Variants in RPL5 observed in about 807,000 individuals in gnomAD.
RPL5 encodes the protein large ribosomal subunit protein uL18.
RPL5 carries 1 observed loss-of-function variant against 38.4 expected under a neutral mutation model. The observed-to-expected ratio is 0.03, with a 90% CI of 0.01 to 0.12. RPL5 has a LOEUF of 0.12. RPL5 is among the 10% of genes least tolerant of loss of function. The pLI, the probability that RPL5 is intolerant of heterozygous loss-of-function variation, is 1.00. For missense variants in RPL5, 243 were observed against 374.1 expected, an observed-to-expected ratio of 0.65 and a Z score of 2.89; for synonymous variants, 109 against 121.2, an observed-to-expected ratio of 0.90 and a Z score of 0.66.
Position 92,836,175 on chromosome 1 carries a change from T to A in RPL5, c.325-15T>A. ...GAATAATTGAAACCAGCATTTACAT[T>A]GGTTTCTTGAATAGCTTCTCAATAG... On this transcript the variant is annotated splice_polypyrimidine_tract_variant and intron_variant, in intron 4 of 7. Coordinates refer to ENST00000370321, the MANE Select transcript of RPL5 (RefSeq NM_000969.5). 2 of 1,608,978 alleles carry A rather than the reference T, an allele frequency of 1.2e-6. No individual in the cohort carries two copies. Among genetic ancestry groups the A allele is most frequent in the Non-Finnish European group, 1.7e-6 (2 of 1,177,014 alleles).
chr1:92,836,454 T>C, intron 5 of RPL5, 62 bp downstream of exon 5: 1 of 1,457,026 alleles, frequency 6.9e-7, no homozygotes, highest in Non-Finnish European at 9.6e-7. Flanking sequence ...TTTAACTAGT[T>C]GGACTGTGGA....
chr1:92,833,784 T>C lies in RPL5; in HGVS notation c.189+124T>C, dbSNP rs41286817. The C allele has an allele frequency of 6.9e-3, 5,370 of 782,330 alleles. 24 individuals carry two copies. The highest frequency in any genetic ancestry group is 9.2e-3 in the Non-Finnish European group (4,358 of 471,712). The allele number at this position is 782,330 out of a possible 1,614,324, so 48.5% of individuals were successfully genotyped here. On this transcript the variant is annotated intron_variant, in intron 3 of 7. Coordinates refer to ENST00000370321, the MANE Select transcript of RPL5 (RefSeq NM_000969.5). ...CCTCCAAAAGCATCCAGTGAATAAT[T>C]TTTCCTTTTAGTAGGTCTAGAATTG...
At chr1:92,840,510 A>G (rs1376302489) in intron 6 of RPL5, 41 bp from the exon 7 acceptor site, 1 of 1,458,992 alleles carries the variant, frequency 6.9e-7, no homozygotes, top group Non-Finnish European at 9.6e-7. Context: ...AGTAGGGCAC[A>G]TGAAATGAAA....
At chr1:92,838,047 G>A (rs1240195324) in intron 6 of RPL5, among the ~76,000 whole-genome samples, 2 of 152,216 alleles carry the variant, frequency 1.3e-5, no homozygotes, top group Non-Finnish European at 2.9e-5. Context: ...GCGTGATGTT[G>A]TAGAAATGAG....
At position 92,835,022 on chromosome 1, in the gene RPL5, G is replaced by C. The variant is rs932410672; in HGVS notation, c.324+109G>C. 2.7e-5 allele frequency: 41 copies of C among 1,501,836 alleles called. No individual in the cohort carries two copies. In the African/African-American group the frequency reaches 5.5e-4, roughly 20 times the overall value. 93.0% of individuals were successfully genotyped at this position (1,501,836 alleles called of 1,614,324 possible). Reference sequence around the variant, plus strand: ...ATAGCTTAAGTTGTGCTTCAGGAGAGTGCTTGCTTCCAGTTTTCTGCTTTG... The same window carrying C: ...ATAGCTTAAGTTGTGCTTCAGGAGACTGCTTGCTTCCAGTTTTCTGCTTTG... On this transcript the variant is annotated intron_variant, in intron 4 of 7. Coordinates refer to ENST00000370321, the MANE Select transcript of RPL5 (RefSeq NM_000969.5).
Position 92,832,068 on chromosome 1 carries a change from C to T in RPL5, c.-47C>T, listed in dbSNP as rs370494227. 44 of 1,613,342 alleles carry T rather than the reference C, an allele frequency of 2.7e-5. No homozygotes were observed. The highest frequency in any genetic ancestry group is 6.7e-5 in the African/African-American group (5 of 75,060). On this transcript the variant is annotated 5_prime_UTR_variant, in exon 1 of 8. Transcript: ENST00000370321. The stretch of plus-strand genomic sequence containing the variant: ...TTTCCCACCCCCTAGCGCCGCTGGG[C>T]CTGCAGGTCTCTGTCGAGCAGCGGA...
At chr1:92,832,879 CAT>C (rs1291927406) in intron 1 of RPL5, 29 of 630,904 alleles carry the variant, frequency 4.6e-5, no homozygotes, top group Non-Finnish European at 6.6e-5. Flanking sequence ...TTTTGAAAAA[CAT>C]AACATGGGAA....
chr1:92,838,159 T>G (rs1426424410), intron 6 of RPL5, among the ~76,000 whole-genome samples: 2 of 152,216 alleles, frequency 1.3e-5, no homozygotes, highest in Non-Finnish European at 2.9e-5. Flanking sequence ...AGCTTCTATT[T>G]TGGCATAGCT....
chr1:92,834,956 T>C, intron 4 of RPL5, 43 bp downstream of exon 4: 1 of 1,599,608 alleles, frequency 6.3e-7, no homozygotes, highest in South Asian at 1.1e-5. Flanking sequence ...TGTGGCTGAT[T>C]GCTTGGAGAG....
rs577489431 is a variant in RPL5 at position 92,836,735 on chromosome 1, T to C, written c.527+343T>C. On this transcript the variant is annotated intron_variant, in intron 5 of 7. Transcript: ENST00000370321. Reference sequence around the variant, plus strand: ...TTTCTTTTTTCAATCAGAATAAAAATGATTTACTGAATTATGCAAAAAGGT... The same window carrying C: ...TTTCTTTTTTCAATCAGAATAAAAACGATTTACTGAATTATGCAAAAAGGT... The C allele has an allele frequency of 3.0e-4, 78 of 256,800 alleles. 1 individual carries two copies. Among genetic ancestry groups the C allele is most frequent in the African/African-American group, 1.6e-3 (70 of 44,784 alleles). The allele number at this position is 256,800 out of a possible 1,614,324, so 15.9% of individuals were successfully genotyped here. A position where few individuals can be genotyped will look rare whatever the true frequency, so the allele number is the denominator to read the frequency against.
chr1:92,837,739 A>C (rs1687185064), intron 6 of RPL5, 106 bp downstream of exon 6: 13 of 879,664 alleles, frequency 1.5e-5, no homozygotes, highest in Non-Finnish European at 2.4e-5. Flanking sequence ...TTTCTTGACA[A>C]CATGAGCTAG....
intron 3 of RPL5, 92 bp from the exon 4 acceptor site, chr1:92,834,687 A>C (rs576792738): frequency 6.5e-7 from 1 of 1,529,640 alleles, no homozygotes; most frequent in Non-Finnish European, 9.0e-7. Context: ...ATCTGTGTCC[A>C]TCAATGTTTT....
chr1:92,834,032 G>C (rs2100678276), intron 3 of RPL5: 1 of 305,458 alleles, frequency 3.3e-6, no homozygotes. Context: ...CCGAGGTTGA[G>C]GCTGCAGTGA....
At position 92,836,272 on chromosome 1, in the gene RPL5, A is replaced by T; in HGVS notation, c.407A>T (p.Asp136Val). The change falls in exon 5 of 8, where the codon GAT becomes GTT. Residue 136 changes from aspartate to valine, a missense_variant. Coordinates refer to ENST00000370321, the MANE Select transcript of RPL5 (RefSeq NM_000969.5). ...GATGAATACAATGTGGAAAGCATTG[A>T]TGGTCAGCCAGGTGCCTTCACCTGC... Reference protein sequence around the residue: ...TGDEYNVESIDGQPGAFTCYL... With the variant: ...TGDEYNVESIVGQPGAFTCYL... 1 of 1,614,114 alleles carries T rather than the reference A, an allele frequency of 6.2e-7. No homozygotes were observed. The highest frequency in any genetic ancestry group is 1.1e-5 in the South Asian group (1 of 91,080).
Position 92,832,648 on chromosome 1 carries a change from C to A in RPL5, c.3+531C>A, listed in dbSNP as rs1466412087. ...AAAATTGTCAGTGGAGCTTGGAGGC[C>A]GAGGGGTCCCTGGGCCCCGGAAGCT... is the stretch of plus-strand genomic sequence containing the variant. On this transcript the variant is annotated intron_variant, in intron 1 of 7. Coordinates refer to ENST00000370321, the MANE Select transcript of RPL5 (RefSeq NM_000969.5). 9 of 310,862 alleles carry A rather than the reference C, an allele frequency of 2.9e-5. No homozygotes were observed. In the East Asian group the frequency reaches 5.9e-4, roughly 20 times the overall value. 19.3% of individuals were successfully genotyped at this position (310,862 alleles called of 1,614,324 possible).
chr1:92,840,698 G>A (rs376432356), intron 7 of RPL5, 59 bp downstream of exon 7: 2 of 1,224,820 alleles, frequency 1.6e-6, no homozygotes, highest in African/African-American at 3.0e-5. Context: ...TTCCCACGTG[G>A]GGCAGACTGT....
rs962265696 is a variant in RPL5 at position 92,836,206 on chromosome 1, G to A, written c.341G>A (p.Gly114Asp). 6.2e-7 allele frequency: 1 copy of A among 1,612,420 alleles called. No individual in the cohort carries two copies. The highest frequency in any genetic ancestry group is 2.2e-5 in the East Asian group (1 of 44,882). ...LLARRLLNRF[G>D]MDKIYEGQVE... ...CTTGAATAGCTTCTCAATAGGTTTG[G>A]CATGGACAAGATCTATGAAGGCCAA... The change falls in exon 5 of 8, where the codon GGC becomes GAC. Residue 114 changes from glycine to aspartate, a missense_variant. By Grantham distance (94) the Gly-to-Asp change is moderately conservative. Coordinates refer to ENST00000370321, the MANE Select transcript of RPL5 (RefSeq NM_000969.5).
chr1:92,833,471 T>G lies in RPL5; in HGVS notation c.73+13T>G. Reference sequence around the variant, plus strand: ...AGAAGACGACGAGGTACTGTCACCTTTTTGTGTTTACAATATTAATCTGCT... The same window carrying G: ...AGAAGACGACGAGGTACTGTCACCTGTTTGTGTTTACAATATTAATCTGCT... On this transcript the variant is annotated intron_variant, in intron 2 of 7. Transcript: ENST00000370321. The G allele has an allele frequency of 2.5e-6, 4 of 1,613,852 alleles. No homozygotes were observed. Among genetic ancestry groups the G allele is most frequent in the Non-Finnish European group, 3.4e-6 (4 of 1,179,762 alleles).
intron 6 of RPL5, among the ~76,000 whole-genome samples, chr1:92,837,974 T>C (rs1346413112): frequency 6.6e-6 from 1 of 152,232 alleles, no homozygotes; most frequent in Non-Finnish European, 1.5e-5. Flanking sequence ...ATGTGTGCTA[T>C]ATTCTGGACT....
Sources: allele counts gnomAD v4.1 joint callset (sites outside exome capture counted in the v4.1 genomes callset), GRCh38; gene constraint gnomAD v4.1.1; transcripts MANE v1.5; gene names NCBI Gene and HGNC (gene_info 2026-07-23, HGNC 2026-07-21).